SEMA3D: variants seen among roughly 807,000 people sequenced by gnomAD.
The protein encoded by SEMA3D is semaphorin 3D.
In SEMA3D, 84 loss-of-function variants were observed where a neutral mutation model predicts 100.1. The observed-to-expected ratio is 0.84, with a 90% CI of 0.70 to 1.01. SEMA3D has a LOEUF of 1.01. SEMA3D is among the 50% of genes least tolerant of loss of function. The pLI is 0.00. For missense variants in SEMA3D, 875 were observed against 934.1 expected (o/e 0.94, Z 0.82); for synonymous variants, 312 against 320.7 (o/e 0.97, Z 0.29).
upstream of SEMA3D, among the ~76,000 whole-genome samples, chr7:85,191,014 GA>G (rs978277260): frequency 1.3e-4 from 19 of 150,790 alleles, no homozygotes; most frequent in African/African-American, 2.2e-4. Flanking sequence ...AAAAAGAAAA[GA>G]AAAAAAAATC....
chr7:85,101,696 A>C (rs1293780046), intron 3 of SEMA3D, among the ~76,000 whole-genome samples: 1 of 152,120 alleles, frequency 6.6e-6, no homozygotes, highest in South Asian at 2.1e-4. Context: ...TCTATACCAA[A>C]TGTATAAAAA....
intron 12 of SEMA3D, among the ~76,000 whole-genome samples, chr7:85,031,848 T>C (rs1343567690): frequency 6.6e-6 from 1 of 151,924 alleles, no homozygotes; most frequent in African/African-American, 2.4e-5. Flanking sequence ...GAATCATAAC[T>C]TTATATAAAC....
At chr7:85,129,362 G>A (rs1465135089) in intron 2 of SEMA3D, among the ~76,000 whole-genome samples, 1 of 151,942 alleles carries the variant, frequency 6.6e-6, no homozygotes, top group Non-Finnish European at 1.5e-5. Context: ...TGGTAGTCAT[G>A]TTTTTCACAA....
chr7:85,101,756 A>C (rs925899481), intron 3 of SEMA3D, among the ~76,000 whole-genome samples: 1 of 152,020 alleles, frequency 6.6e-6, no homozygotes, highest in Non-Finnish European at 1.5e-5. Flanking sequence ...TGATTCAAGG[A>C]GGTAATTTAT....
chr7:85,005,284 A>G (rs988692608), intron 18 of SEMA3D, among the ~76,000 whole-genome samples: 1 of 152,054 alleles, frequency 6.6e-6, no homozygotes, highest in Admixed American at 6.6e-5. Context: ...ATAGTAAATA[A>G]ATGCCTTATA....
the SEMA3D span, among the ~76,000 whole-genome samples, chr7:85,234,199 C>T: frequency 5.9e-5 from 9 of 152,098 alleles, no homozygotes; most frequent in Non-Finnish European, 1.3e-4. Context: ...CCCTGAGACC[C>T]CCAGAAAGGC....
the SEMA3D span, among the ~76,000 whole-genome samples, chr7:85,243,264 G>A: frequency 9.2e-5 from 14 of 152,280 alleles, no homozygotes; most frequent in African/African-American, 3.4e-4. Flanking sequence ...TCCCTTTGCT[G>A]GAACCACAAA....
Position 85,012,599 on chromosome 7 carries a change from T to C in SEMA3D, c.1768+183A>G, listed in dbSNP as rs149117592. On this transcript the variant is annotated intron_variant, in intron 17 of 18. Transcript: ENST00000284136. ...CAAATAATGATATAACAAAGGATTA[T>C]TCAATTAGGCACGTAGACAGGGGTT... is the stretch of plus-strand genomic sequence containing the variant. Among the ~76,000 whole-genome samples the C allele has an allele frequency of 2.2e-3, 338 of 151,964 alleles. 1 individual carries two copies. The highest frequency in any genetic ancestry group is 3.3e-3 in the Non-Finnish European group (221 of 67,872).
chr7:85,018,939 C>T (rs1790179878), intron 14 of SEMA3D, among the ~76,000 whole-genome samples: 1 of 151,656 alleles, frequency 6.6e-6, no homozygotes, highest in African/African-American at 2.4e-5. Flanking sequence ...CATCTATCTA[C>T]TATTTATTCA....
chr7:85,058,810 C>T (rs1408461636), intron 8 of SEMA3D, among the ~76,000 whole-genome samples: 2 of 148,006 alleles, frequency 1.4e-5, no homozygotes, highest in African/African-American at 5.0e-5. Flanking sequence ...ATGTGAGATT[C>T]GGGTTTCTGA....
Position 85,042,265 on chromosome 7 carries a change from G to A in SEMA3D, c.882C>T (p.Arg294=). The part of the protein sequence containing the change: ...RVCKNDVGGQ[R]SLINKWTTFL... ...AAGTCGTCCACTTGTTTATCAGGCTGCGTTGTCCTCCTACATCATTCTGAC... is the reference window on the plus strand; with the variant it reads ...AAGTCGTCCACTTGTTTATCAGGCTACGTTGTCCTCCTACATCATTCTGAC... The change falls in exon 10 of 19, where the codon CGC becomes CGT. Residue 294 remains arginine (R), a synonymous_variant. Coordinates refer to ENST00000284136, the MANE Select transcript of SEMA3D (RefSeq NM_001384900.1). The A allele has an allele frequency of 1.2e-6, 2 of 1,611,688 alleles. No individual in the cohort carries two copies. Among genetic ancestry groups the A allele is most frequent in the Non-Finnish European group, 1.7e-6 (2 of 1,178,078 alleles).
At chr7:85,185,361 C>T (rs1002807760) in intron 1 of SEMA3D, among the ~76,000 whole-genome samples, 1 of 152,160 alleles carries the variant, frequency 6.6e-6, no homozygotes, top group Non-Finnish European at 1.5e-5. Flanking sequence ...CGCCATCCCC[C>T]GCTAGCGCAC....
chr7:85,050,080 CACACACA>C (rs1426058918), intron 9 of SEMA3D, among the ~76,000 whole-genome samples: 3 of 128,652 alleles, frequency 2.3e-5, no homozygotes, highest in Admixed American at 2.3e-4. Context: ...GAAACACACA[CACACACA>C]CACACACACA....
the SEMA3D span, among the ~76,000 whole-genome samples, chr7:85,217,360 C>T: frequency 2.0e-5 from 3 of 152,020 alleles, no homozygotes; most frequent in Non-Finnish European, 4.4e-5. Flanking sequence ...TTCAGTAATA[C>T]TCCTGGCCTC....
intron 14 of SEMA3D, 24 bp from the exon 15 acceptor site, chr7:85,018,317 A>C: frequency 6.7e-7 from 1 of 1,481,732 alleles, no homozygotes; most frequent in Non-Finnish European, 9.4e-7. Context: ...TTAAATGTCA[A>C]TAAAGATAAT....
intron 12 of SEMA3D, chr7:85,028,341 T>C (rs1790448663): frequency 1.5e-6 from 1 of 657,670 alleles, no homozygotes; most frequent in Non-Finnish European, 2.8e-6. Context: ...GTACTTGGAA[T>C]TATCAATGTG....
intron 2 of SEMA3D, among the ~76,000 whole-genome samples, chr7:85,128,484 A>G (rs1430959451): frequency 6.6e-6 from 1 of 151,980 alleles, no homozygotes; most frequent in Non-Finnish European, 1.5e-5. Flanking sequence ...TGTTTTTATT[A>G]TTGAGATATG....
chr7:85,233,696 TG>T, the SEMA3D span, among the ~76,000 whole-genome samples: 1 of 152,222 alleles, frequency 6.6e-6, no homozygotes, highest in Non-Finnish European at 1.5e-5. Flanking sequence ...GAGATCAGTC[TG>T]GTTTTACTAG....
chr7:85,051,493 C>T (rs573624675), intron 9 of SEMA3D, among the ~76,000 whole-genome samples: 20 of 152,040 alleles, frequency 1.3e-4, no homozygotes, highest in African/African-American at 2.4e-4. Context: ...CCTCTGCAGA[C>T]ACTTTTCTCT....
Sources: gnomAD v4.1 joint callset for allele counts (sites outside exome capture counted in the v4.1 genomes callset) on GRCh38, gnomAD v4.1.1 for gene constraint, MANE v1.5 for transcripts, NCBI Gene and HGNC (gene_info 2026-07-23, HGNC 2026-07-21) for gene names.